The following CAMSAP1 variants were observed in gnomAD, a reference collection of about 807,000 sequenced individuals.
CAMSAP1 encodes calmodulin regulated spectrin associated protein 1.
CAMSAP1 carries 58 observed loss-of-function variants against 143.5 expected under a neutral mutation model. The ratio of observed to expected loss-of-function variants is 0.40; its 90% CI spans 0.33 to 0.50. The LOEUF is 0.50. Ranked by LOEUF, CAMSAP1 falls within the 20% of genes least tolerant of loss-of-function variation. CAMSAP1 has a pLI of 0.45. For missense variants in CAMSAP1, 1,969 were observed against 2,115.7 expected (o/e 0.93, Z 1.36); for synonymous variants, 945 against 859.3 (o/e 1.10, Z -1.74).
chr9:135,893,426 G>A (rs909316038), intron 1 of CAMSAP1, among the ~76,000 whole-genome samples: 1 of 151,802 alleles, frequency 6.6e-6, no homozygotes, highest in Non-Finnish European at 1.5e-5. Flanking sequence ...AAAGAAAGAA[G>A]AAAAGGAAAA....
chr9:135,847,112 C>T (rs1348844189), intron 7 of CAMSAP1, among the ~76,000 whole-genome samples: 3 of 151,998 alleles, frequency 2.0e-5, no homozygotes, highest in African/African-American at 7.3e-5. Context: ...CTTTGGGAGG[C>T]TGAGGCGGGT....
chr9:135,886,566 T>A (rs1251871534), intron 1 of CAMSAP1, among the ~76,000 whole-genome samples: 1 of 152,242 alleles, frequency 6.6e-6, no homozygotes, highest in Admixed American at 6.5e-5. Context: ...CAGGCTCTTG[T>A]GCGTGCCTGC....
intron 3 of CAMSAP1, among the ~76,000 whole-genome samples, chr9:135,877,894 T>C (rs1837807046): frequency 6.6e-6 from 1 of 152,122 alleles, no homozygotes; most frequent in African/African-American, 2.4e-5. Flanking sequence ...TGCAAGGTGA[T>C]TCATGGTGAA....
chr9:135,825,234 T>C (rs960437527), intron 8 of CAMSAP1, among the ~76,000 whole-genome samples: 16 of 152,024 alleles, frequency 1.1e-4, no homozygotes, highest in Admixed American at 3.9e-4. Flanking sequence ...AAAATGCACA[T>C]TACTGCTTCA....
At chr9:135,868,988 A>G (rs1298458128) in intron 3 of CAMSAP1, among the ~76,000 whole-genome samples, 1 of 152,164 alleles carries the variant, frequency 6.6e-6, no homozygotes, top group Non-Finnish European at 1.5e-5. Context: ...GAAGATCTAC[A>G]TAACTCAGTG....
At chr9:135,846,241 T>C (rs1196863457) in intron 7 of CAMSAP1, among the ~76,000 whole-genome samples, 2 of 152,100 alleles carry the variant, frequency 1.3e-5, no homozygotes, top group Non-Finnish European at 1.5e-5. Context: ...CCTACAACCA[T>C]CTGATCTTTG....
rs144315326 is a variant in CAMSAP1 at position 135,827,532 on chromosome 9, G to T, written c.1098C>A (p.Asn366Lys). 2 of 1,612,272 alleles carry T rather than the reference G, an allele frequency of 1.2e-6. No individual in the cohort carries two copies. Among genetic ancestry groups the T allele is most frequent in the African/African-American group, 1.3e-5 (1 of 74,904 alleles). ...TGCCTAGGAAACTGCGTTTGGTCGC[G>T]TTGGAGATCGGTACAGGAGGCCGGC... is the stretch of plus-strand genomic sequence containing the variant. ...KSSRPPVPISNATKRSFLGSP... is the reference protein window; with the variant it reads ...KSSRPPVPISKATKRSFLGSP... The change falls in exon 8 of 17, where the codon AAC becomes AAA. Residue 366 changes from asparagine to lysine, a missense_variant. Transcript: ENST00000389532.
chr9:135,829,960 G>A (rs990204115), intron 7 of CAMSAP1, among the ~76,000 whole-genome samples: 1 of 152,096 alleles, frequency 6.6e-6, no homozygotes, highest in African/African-American at 2.4e-5. Flanking sequence ...ATGTAGAGGA[G>A]GGAGGTAAAA....
At chr9:135,892,419 A>C (rs962623961) in intron 1 of CAMSAP1, among the ~76,000 whole-genome samples, 3 of 152,148 alleles carry the variant, frequency 2.0e-5, no homozygotes, top group African/African-American at 7.2e-5. Context: ...AAAGAACAAA[A>C]TAGGCTGGGT....
chr9:135,859,036 C>T (rs368243718), intron 5 of CAMSAP1, among the ~76,000 whole-genome samples: 9 of 152,234 alleles, frequency 5.9e-5, no homozygotes, highest in African/African-American at 2.2e-4. Flanking sequence ...CACCAGTCAC[C>T]TAGGCTTCTC....
chr9:135,872,271 G>A (rs1837593390), intron 3 of CAMSAP1, among the ~76,000 whole-genome samples: 1 of 152,148 alleles, frequency 6.6e-6, no homozygotes, highest in Non-Finnish European at 1.5e-5. Flanking sequence ...CACAGCTGGG[G>A]TAGAATGAAT....
intron 7 of CAMSAP1, among the ~76,000 whole-genome samples, chr9:135,845,225 T>C (rs900818506): frequency 6.6e-6 from 1 of 152,184 alleles, no homozygotes; most frequent in Non-Finnish European, 1.5e-5. Flanking sequence ...TGCAAATCAA[T>C]AAACGTAATC....
rs558626463 is a variant in CAMSAP1, at chr9:135,884,891, C to G, written c.161-1813G>C. Among the ~76,000 whole-genome samples the G allele has an allele frequency of 2.1e-4, 32 of 152,322 alleles. 1 individual carries two copies. The highest frequency in any genetic ancestry group is 2.0e-3 in the Admixed American group (30 of 15,310). On this transcript the variant is annotated intron_variant, in intron 1 of 16. Coordinates refer to ENST00000389532, the MANE Select transcript of CAMSAP1 (RefSeq NM_015447.4). ...AGGCGGCCTGTGGGCCCATGTTTGT[C>G]CAAGTTCCCTCCACCCATGGGCCGT...
intron 3 of CAMSAP1, among the ~76,000 whole-genome samples, chr9:135,867,463 A>G (rs1837417119): frequency 6.7e-6 from 1 of 148,220 alleles, no homozygotes; most frequent in Admixed American, 6.7e-5. Flanking sequence ...TAGGCAACAC[A>G]GCAAGACCCC....
chr9:135,857,852 T>C (rs1205552186), intron 5 of CAMSAP1, among the ~76,000 whole-genome samples: 1 of 152,094 alleles, frequency 6.6e-6, no homozygotes, highest in Non-Finnish European at 1.5e-5. Flanking sequence ...TATGAAGAAT[T>C]TTACACAAAA....
chr9:135,824,762 G>C lies in CAMSAP1; in HGVS notation c.1315+27C>G. 2.1e-6 allele frequency: 3 copies of C among 1,444,644 alleles called. No individual in the cohort carries two copies. The highest frequency in any genetic ancestry group is 2.8e-6 in the Non-Finnish European group (3 of 1,067,880). 89.5% of individuals were successfully genotyped at this position (1,444,644 alleles called of 1,614,324 possible). ...TAATCTATAGTAAGGAGAAATTAAG[G>C]AAAAAAGGAGGAAACAACATTCTTA... On this transcript the variant is annotated intron_variant, in intron 9 of 16. Transcript: ENST00000389532. The surrounding 1 kb of genome is among the most constrained non-coding windows in gnomAD (Gnocchi z 4.1).
Position 135,811,338 on chromosome 9 carries a change from C to T in CAMSAP1, c.4780G>A (p.Val1594Met), listed in dbSNP as rs1835042812. The change falls in exon 17 of 17, where the codon GTG (valine) becomes ATG (methionine). Residue 1594 changes from valine (V) to methionine (M), a missense_variant. Coordinates refer to ENST00000389532, the MANE Select transcript of CAMSAP1 (RefSeq NM_015447.4). This position sits in a 1 kb window ranked among gnomAD's most constrained non-coding sequence, Gnocchi z 4.9. ...NHLWQPKRPA[V>M]PKKAQTRK ...TTACGAGTCTGGGCCTTCTTTGGCA[C>T]TGCAGGCCGCTTGGGCTGCCACAGG... 1 of 1,612,960 alleles carries T rather than the reference C, an allele frequency of 6.2e-7. No homozygotes were observed.
chr9:135,815,000 G>C (rs1835179399), intron 16 of CAMSAP1, 97 bp downstream of exon 16: 3 of 859,648 alleles, frequency 3.5e-6, no homozygotes, highest in Middle Eastern at 2.3e-4. Flanking sequence ...TAACTCTCAT[G>C]CATCAAAGAT....
At chr9:135,871,999 G>A (rs1254189744) in intron 3 of CAMSAP1, among the ~76,000 whole-genome samples, 1 of 151,876 alleles carries the variant, frequency 6.6e-6, no homozygotes, top group Non-Finnish European at 1.5e-5. Flanking sequence ...ATACTCGGGA[G>A]GCTGGCAGGA....
Sources: allele counts gnomAD v4.1 joint callset (sites outside exome capture counted in the v4.1 genomes callset), GRCh38; gene constraint gnomAD v4.1.1; non-coding constraint Gnocchi (gnomAD v3.1); transcripts MANE v1.5; gene names NCBI Gene and HGNC (gene_info 2026-07-23, HGNC 2026-07-21).